SNX24: variants seen among roughly 807,000 people sequenced by gnomAD.
SNX24 encodes the protein sorting nexin-24.
SNX24 carries 22 observed loss-of-function variants against 28.7 expected under a neutral mutation model. The observed-to-expected ratio is 0.77, with a 90% CI of 0.55 to 1.10. The LOEUF is 1.10. Ranked by LOEUF, SNX24 falls within the 50% of genes least tolerant of loss-of-function variation. The pLI is 0.00. For missense variants in SNX24, 221 were observed against 201.1 expected (o/e 1.10, Z -0.60); for synonymous variants, 69 against 71.5 (o/e 0.96, Z 0.18).
chr5:123,010,027 G>T (rs1003472783), downstream of SNX24, among the ~76,000 whole-genome samples: 5 of 152,182 alleles, frequency 3.3e-5, no homozygotes, highest in African/African-American at 1.2e-4. Context: ...CTCTCTATGA[G>T]GTGCGGCCTC....
chr5:123,020,762 ATGTT>A (rs72230799), intron 5 of SNX24, among the ~76,000 whole-genome samples: 124,970 of 151,766 alleles, frequency 0.82, 51,953 homozygotes, highest in Non-Finnish European at 0.86. Context: ...CAGCTAAATG[ATGTT>A]TGTTTTCGGA....
rs1755845302 is a variant in SNX24, at chr5:122,868,835, C to G, written c.60+23142C>G. 1.3e-5 allele frequency among the ~76,000 whole-genome samples: 2 copies of G among 152,026 alleles called. 1 individual carries two copies. Among genetic ancestry groups the G allele is most frequent in the African/African-American group, 4.8e-5 (2 of 41,366 alleles). Reference sequence around the variant, plus strand: ...TCCAAAAACACTCTTACAGAAACACCCAGAATGTTTGACTGAATATCTGGG... The same window carrying G: ...TCCAAAAACACTCTTACAGAAACACGCAGAATGTTTGACTGAATATCTGGG... On this transcript the variant is annotated intron_variant, in intron 1 of 6. Transcript: ENST00000261369.
intron 1 of SNX24, among the ~76,000 whole-genome samples, chr5:122,900,122 C>A (rs548096483): frequency 6.6e-6 from 1 of 151,560 alleles, no homozygotes; most frequent in African/African-American, 2.4e-5. Context: ...CAGGCTCAAG[C>A]GATACTCCTG....
chr5:122,970,560 C>G (rs542068525), intron 3 of SNX24, among the ~76,000 whole-genome samples: 41 of 152,298 alleles, frequency 2.7e-4, no homozygotes, highest in Admixed American at 2.3e-3. Flanking sequence ...GCCCCGCCAC[C>G]AGGGTTCACG....
rs745462402 is a variant in SNX24, at chr5:122,946,133, C to T, written c.223C>T (p.Arg75Ter). The change falls in exon 3 of 7, where the codon CGA becomes TGA. Residue 75 changes from arginine (R) to a stop codon, truncating the protein, a stop_gained. Transcript: ENST00000261369. LOFTEE classifies it high-confidence loss of function. ...NWVPKVLEQRRQGLETYLQAV... is the reference protein window; with the variant it reads ...NWVPKVLEQR ...GGTCCCCAAAGTCTTGGAACAGCGA[C>T]GACAAGGCTTGGAAACATACTTACA... The T allele has an allele frequency of 8.1e-6, 13 of 1,607,088 alleles. No individual in the cohort carries two copies. The highest frequency in any genetic ancestry group is 2.7e-5 in the African/African-American group (2 of 74,618).
At chr5:122,963,411 A>G (rs550499363) in intron 3 of SNX24, among the ~76,000 whole-genome samples, 1 of 152,300 alleles carries the variant, frequency 6.6e-6, no homozygotes, top group South Asian at 2.1e-4. Flanking sequence ...GTGTCATTTC[A>G]TTTATATGGA....
In SNX24 at chr5:122,933,970, A is replaced by T. The variant is rs527877531; in HGVS notation, c.61-2764A>T. Among the ~76,000 whole-genome samples the T allele has an allele frequency of 7.9e-5, 12 of 151,906 alleles. No individual in the cohort carries two copies. In the East Asian group the frequency reaches 2.3e-3, roughly 29 times the overall value. On this transcript the variant is annotated intron_variant, in intron 1 of 6. Transcript: ENST00000261369. ...GCTAATTTTTGTGTTTTTAGTAGAG[A>T]CAGGGTTTCATCATATTGGCCAGGC...
At chr5:122,897,607 A>G (rs539078072) in intron 1 of SNX24, among the ~76,000 whole-genome samples, 2 of 152,348 alleles carry the variant, frequency 1.3e-5, no homozygotes, top group South Asian at 2.1e-4. Flanking sequence ...TGACAATACA[A>G]GAATATTGTA....
intron 1 of SNX24, among the ~76,000 whole-genome samples, chr5:122,857,298 C>T (rs1755239422): frequency 6.6e-6 from 1 of 152,190 alleles, no homozygotes. Flanking sequence ...AGGCAGGAGC[C>T]ACCGTGCCTG....
intron 3 of SNX24, among the ~76,000 whole-genome samples, chr5:122,977,228 T>C (rs1761200254): frequency 6.6e-6 from 1 of 152,206 alleles, no homozygotes; most frequent in Non-Finnish European, 1.5e-5. Flanking sequence ...GAATTTTTAC[T>C]TGTGGCTGTG....
At chr5:122,850,020 C>T (rs1331016679) in intron 1 of SNX24, among the ~76,000 whole-genome samples, 1 of 152,122 alleles carries the variant, frequency 6.6e-6, no homozygotes, top group Non-Finnish European at 1.5e-5. Flanking sequence ...GCTGACTCCC[C>T]TTGAGAGCTA....
chr5:122,954,556 G>T (rs902799448), intron 3 of SNX24, among the ~76,000 whole-genome samples: 9 of 147,980 alleles, frequency 6.1e-5, no homozygotes, highest in African/African-American at 2.2e-4. Context: ...GTTTATATTT[G>T]TTTTTTTAAT....
intron 3 of SNX24, among the ~76,000 whole-genome samples, chr5:122,951,466 A>T (rs2150129721): frequency 6.6e-6 from 1 of 152,308 alleles, no homozygotes; most frequent in African/African-American, 2.4e-5. Context: ...TAAGGAATTT[A>T]GCATCTCATA....
chr5:122,910,903 A>G (rs1373285743), intron 1 of SNX24, among the ~76,000 whole-genome samples: 2 of 151,910 alleles, frequency 1.3e-5, no homozygotes, highest in Admixed American at 1.3e-4. Context: ...AGTCTTTGCT[A>G]TTGTGAATAA....
rs756264332 is a variant in SNX24 at position 122,936,790 on chromosome 5, C to T, written c.117C>T (p.Tyr39=). The T allele has an allele frequency of 5.6e-6, 9 of 1,607,740 alleles. No homozygotes were observed. Among genetic ancestry groups the T allele is most frequent in the East Asian group, 2.2e-5 (1 of 44,804 alleles). Residue 39 remains tyrosine, a synonymous_variant, in exon 2 of 7, where the codon TAC becomes TAT. Transcript: ENST00000261369. ...GAAAACATTTTGTTGAAAAGAGATA[C>T]AGCGAATTTCATGCTTTGCACAAAA... The part of the protein sequence containing the change: ...NGRKHFVEKR[Y]SEFHALHKKL...
At chr5:122,881,757 A>G (rs1756491948) in intron 1 of SNX24, among the ~76,000 whole-genome samples, 2 of 149,602 alleles carry the variant, frequency 1.3e-5, no homozygotes, top group Non-Finnish European at 3.0e-5. Context: ...ATAAATATGT[A>G]TATATAAAAT....
At chr5:122,939,921 T>G (rs1759365799) in intron 2 of SNX24, among the ~76,000 whole-genome samples, 2 of 152,304 alleles carry the variant, frequency 1.3e-5, no homozygotes, top group African/African-American at 2.4e-5. Flanking sequence ...TCAAGTGTGT[T>G]CCTACTTTTC....
intron 3 of SNX24, among the ~76,000 whole-genome samples, chr5:122,997,972 A>G (rs567667569): frequency 1.3e-5 from 2 of 152,200 alleles, no homozygotes; most frequent in Non-Finnish European, 1.5e-5. Flanking sequence ...GTCATAGCCA[A>G]AATACCTCGG....
At chr5:122,851,200 C>A (rs1015139424) in intron 1 of SNX24, among the ~76,000 whole-genome samples, 1 of 152,136 alleles carries the variant, frequency 6.6e-6, no homozygotes, top group Admixed American at 6.6e-5. Context: ...AATCTCCCTG[C>A]GTCACCCAGG....
Sources: allele counts gnomAD v4.1 joint callset (sites outside exome capture counted in the v4.1 genomes callset), GRCh38; gene constraint gnomAD v4.1.1; transcripts MANE v1.5; gene names NCBI Gene and HGNC (gene_info 2026-07-23, HGNC 2026-07-21).